Variants in UROC1 observed in about 807,000 individuals in gnomAD.
The protein encoded by UROC1 is urocanate hydratase 1.
UROC1 carries 79 observed loss-of-function variants against 89.5 expected under a neutral mutation model. That is an observed-to-expected ratio of 0.88 (90% CI 0.74 to 1.06). UROC1 has a LOEUF of 1.06. Ranked by LOEUF, UROC1 falls within the 50% of genes least tolerant of loss-of-function variation. The pLI, the probability that UROC1 is intolerant of heterozygous loss-of-function variation, is 0.00. For synonymous variants in UROC1, 361 were observed against 354.8 expected (o/e 1.02, Z -0.20); for missense variants, 885 against 907.8 (o/e 0.97, Z 0.32).
chr3:126,506,152 G>T, intron 6 of UROC1, 141 bp from the exon 7 acceptor site: 1 of 903,250 alleles, frequency 1.1e-6, no homozygotes, highest in Non-Finnish European at 1.7e-6. Context: ...ATAAAATAGA[G>T]AGAGCACAGA....
chr3:126,503,030 C>T (rs937356754), intron 9 of UROC1, among the ~76,000 whole-genome samples: 11 of 151,380 alleles, frequency 7.3e-5, no homozygotes, highest in African/African-American at 2.7e-4. Flanking sequence ...TATGTGTGTG[C>T]GTTTATGTGT....
chr3:126,509,697 C>A lies in UROC1; in HGVS notation c.258-19G>T. ...GTAGGCCCTGCAAGGGAAAGCCCAA[C>A]CACCAGGCTGCCCTTCCCGCCAAAG... On this transcript the variant is annotated intron_variant, in intron 2 of 19. Coordinates refer to ENST00000290868, the MANE Select transcript of UROC1 (RefSeq NM_144639.3). The A allele has an allele frequency of 6.5e-7, 1 of 1,550,004 alleles. No homozygotes were observed. Among genetic ancestry groups the A allele is most frequent in the South Asian group, 1.2e-5 (1 of 84,032 alleles).
rs963909792 is a variant in UROC1 at position 126,501,021 on chromosome 3, G to C, written c.966-147C>G. 8 of 1,345,972 alleles carry C rather than the reference G, an allele frequency of 5.9e-6. No homozygotes were observed. In the African/African-American group the frequency reaches 8.7e-5, roughly 15 times the overall value. 83.4% of individuals were successfully genotyped at this position (1,345,972 alleles called of 1,614,324 possible). ...CCAGACCCTGCTTTCCCCCTGGAAA[G>C]AGAACCTACGGGAAGGCTGTGGGCA... On this transcript the variant is annotated intron_variant, in intron 10 of 19. Coordinates refer to ENST00000290868, the MANE Select transcript of UROC1 (RefSeq NM_144639.3).
At chr3:126,492,047 C>T (rs1306415672) in intron 16 of UROC1, among the ~76,000 whole-genome samples, 1 of 151,556 alleles carries the variant, frequency 6.6e-6, no homozygotes, top group Non-Finnish European at 1.5e-5. Context: ...ACCTATGCTT[C>T]AGGGAGGTTA....
intron 8 of UROC1, among the ~76,000 whole-genome samples, chr3:126,505,290 A>G (rs1173561764): frequency 1.3e-5 from 2 of 152,138 alleles, no homozygotes; most frequent in Non-Finnish European, 2.9e-5. Context: ...ACTCACCTCT[A>G]TGGAGGGTGA....
intron 1 of UROC1, among the ~76,000 whole-genome samples, chr3:126,515,588 C>G: frequency 8.8e-6 from 1 of 114,006 alleles, no homozygotes; most frequent in Non-Finnish European, 1.9e-5. Flanking sequence ...CCACCACCTA[C>G]CCTCCTCCCA....
chr3:126,507,321 CGTCA>C (rs1391731405), intron 6 of UROC1, among the ~76,000 whole-genome samples: 15 of 150,134 alleles, frequency 1.0e-4, no homozygotes, highest in African/African-American at 3.7e-4. Context: ...GTTGAATTCC[CGTCA>C]GTAATATTTT....
intron 4 of UROC1, 51 bp from the exon 5 acceptor site, chr3:126,508,146 C>T (rs1333277446): frequency 6.2e-7 from 1 of 1,612,190 alleles, no homozygotes; most frequent in East Asian, 2.2e-5. Context: ...CAGCACCCCA[C>T]ACCCAGCCCC....
intron 15 of UROC1, among the ~76,000 whole-genome samples, chr3:126,492,720 A>G (rs1935684479): frequency 6.6e-6 from 1 of 152,130 alleles, no homozygotes; most frequent in Non-Finnish European, 1.5e-5. Flanking sequence ...TCAGCCCACT[A>G]GACAGCCATA....
rs1030602121 is a variant in UROC1, at chr3:126,500,103, G to T, written c.1197C>A (p.Phe399Leu). The change falls in exon 12 of 20, where the codon TTC becomes TTA. Residue 399 changes from phenylalanine (F) to leucine (L), a missense_variant. Coordinates refer to ENST00000290868, the MANE Select transcript of UROC1 (RefSeq NM_144639.3). ...GGAAGGCATTGCCGTAGTCCCAGAAGAAGAACTTCTCCTCGGCCAACCTGT... is the reference window on the plus strand; with the variant it reads ...GGAAGGCATTGCCGTAGTCCCAGAATAAGAACTTCTCCTCGGCCAACCTGT... Reference protein sequence around the residue: ...AINRLAEEKFFFWDYGNAFLL... With the variant: ...AINRLAEEKFLFWDYGNAFLL... 5.6e-6 allele frequency: 9 copies of T among 1,613,822 alleles called. No individual in the cohort carries two copies. Among genetic ancestry groups the T allele is most frequent in the Non-Finnish European group, 7.6e-6 (9 of 1,180,026 alleles).
chr3:126,506,033 A>G, intron 6 of UROC1, 22 bp from the exon 7 acceptor site: 2 of 1,613,264 alleles, frequency 1.2e-6, no homozygotes, highest in Middle Eastern at 3.3e-4. Flanking sequence ...GAGAGAAGCC[A>G]AGCCCAGGGC....
At chr3:126,509,193 G>A (rs984969735) in intron 3 of UROC1, among the ~76,000 whole-genome samples, 3 of 148,136 alleles carry the variant, frequency 2.0e-5, no homozygotes, top group African/African-American at 2.5e-5. Flanking sequence ...CCAAGATCAA[G>A]CCACTATACT....
At chr3:126,501,945 G>A in intron 9 of UROC1, 1 of 1,591,174 alleles carries the variant, frequency 6.3e-7, no homozygotes. Flanking sequence ...CCAGCTGAAG[G>A]ACCCTGTGGG....
At position 126,517,702 on chromosome 3, in the gene UROC1, C is replaced by T. The variant is rs141303750; in HGVS notation, c.18G>A (p.Ala6=). 108 of 1,584,700 alleles carry T rather than the reference C, an allele frequency of 6.8e-5. No homozygotes were observed. Among genetic ancestry groups the T allele is most frequent in the Middle Eastern group, 3.5e-4 (2 of 5,664 alleles). Residue 6 remains alanine (A), a synonymous_variant, in exon 1 of 20, where the codon GCG becomes GCA. Transcript: ENST00000290868. ...GCCGCAGGGGCAGGCCAGAGCACAG[C>T]GCCTGGAGGCTAGACATGTGTGACT... is the stretch of plus-strand genomic sequence containing the variant. MSSLQ[A]LCSGLPLRPL...
At chr3:126,491,972 C>T (rs995905301) in intron 16 of UROC1, among the ~76,000 whole-genome samples, 11 of 152,172 alleles carry the variant, frequency 7.2e-5, no homozygotes, top group Admixed American at 1.3e-4. Flanking sequence ...ACACACAGAG[C>T]AGGGTCCCCA....
At chr3:126,491,434 T>A (rs950525870) in intron 16 of UROC1, among the ~76,000 whole-genome samples, 7 of 152,252 alleles carry the variant, frequency 4.6e-5, no homozygotes, top group African/African-American at 7.2e-5. Context: ...GCTGGCCAGC[T>A]GACCGCAGCC....
At position 126,500,848 on chromosome 3, in the gene UROC1, G is replaced by C; in HGVS notation, c.992C>G (p.Thr331Arg). ...LWERLVHELD[T>R]TGECLVDLGS... is the part of the protein sequence containing the mutation. ...CAGGTCCACCAAGCACTCCCCCGTC[G>C]TGTCCAATTCGTGGACCAGGCGCTC... The change falls in exon 11 of 20, where the codon ACG (threonine) becomes AGG (arginine). Residue 331 changes from threonine to arginine, a missense_variant. Physicochemically the swap from Thr to Arg is moderately conservative, Grantham distance 71 (BLOSUM62 -1). Coordinates refer to ENST00000290868, the MANE Select transcript of UROC1 (RefSeq NM_144639.3). 2 of 1,613,880 alleles carry C rather than the reference G, an allele frequency of 1.2e-6. No homozygotes were observed. The highest frequency in any genetic ancestry group is 8.5e-7 in the Non-Finnish European group (1 of 1,180,040).
intron 2 of UROC1, 100 bp downstream of exon 2, chr3:126,510,564 C>G (rs375799378): frequency 1.5e-5 from 24 of 1,548,598 alleles, no homozygotes; most frequent in East Asian, 1.4e-4. Context: ...GGGTTTCCCC[C>G]TCACTGCCGA....
chr3:126,485,710 G>C (rs1047451448), intron 18 of UROC1, among the ~76,000 whole-genome samples: 1 of 150,074 alleles, frequency 6.7e-6, no homozygotes, highest in Non-Finnish European at 1.5e-5. Context: ...GACTATAGGC[G>C]TGCACCACTA....
Sources: allele counts gnomAD v4.1 joint callset (sites outside exome capture counted in the v4.1 genomes callset), GRCh38; gene constraint gnomAD v4.1.1; transcripts MANE v1.5; gene names NCBI Gene and HGNC (gene_info 2026-07-23, HGNC 2026-07-21).